NTRK2: variants seen among roughly 807,000 people sequenced by gnomAD.
The protein encoded by NTRK2 is neurotrophic receptor tyrosine kinase 2, also known as BDNF/NT-3 growth factors receptor.
Under a neutral mutation model 94.5 loss-of-function variants are expected in NTRK2, and 13 were observed. The ratio of observed to expected loss-of-function variants is 0.14; its 90% CI spans 0.09 to 0.22. NTRK2 has a LOEUF of 0.22. Among genes scored for constraint, NTRK2 ranks in the 10% least tolerant of loss-of-function variants. The pLI, the probability that NTRK2 is intolerant of heterozygous loss-of-function variation, is 1.00. For synonymous variants in NTRK2, 372 were observed against 407.4 expected, an observed-to-expected ratio of 0.91 and a Z score of 1.05; for missense variants, 639 against 1,071.2, an observed-to-expected ratio of 0.60 and a Z score of 5.63.
At chr9:84,832,473 G>A (rs774513797) in intron 12 of NTRK2, among the ~76,000 whole-genome samples, 2 of 152,196 alleles carry the variant, frequency 1.3e-5, no homozygotes, top group Non-Finnish European at 2.9e-5. Flanking sequence ...ATTTCTGCTG[G>A]TCCTGAAAGG....
intron 14 of NTRK2, among the ~76,000 whole-genome samples, chr9:84,868,630 T>G (rs1296751351): frequency 1.3e-5 from 2 of 152,128 alleles, no homozygotes; most frequent in Non-Finnish European, 2.9e-5. Context: ...AGGTATTAGT[T>G]GAAATTAAGG....
chr9:84,812,277 G>T, intron 12 of NTRK2: 1 of 1,055,974 alleles, frequency 9.5e-7, no homozygotes, highest in Non-Finnish European at 1.1e-6. Context: ...CACTAAATAC[G>T]TTATTGCTTG....
chr9:84,804,507 T>C (rs1387496609), intron 12 of NTRK2, among the ~76,000 whole-genome samples: 2 of 152,224 alleles, frequency 1.3e-5, no homozygotes, highest in Non-Finnish European at 2.9e-5. Context: ...ACATTGTGTA[T>C]ATCTGAGGTT....
At chr9:84,708,069 C>T (rs2061215948) in intron 5 of NTRK2, among the ~76,000 whole-genome samples, 157 bp downstream of exon 5, 1 of 151,982 alleles carries the variant, frequency 6.6e-6, no homozygotes, top group South Asian at 2.1e-4. Context: ...TTTATTCCTT[C>T]AAGGTTTATT....
At chr9:84,999,977 C>T (rs1830158386) in intron 17 of NTRK2, among the ~76,000 whole-genome samples, 1 of 152,198 alleles carries the variant, frequency 6.6e-6, no homozygotes, top group Non-Finnish European at 1.5e-5. Flanking sequence ...CTGGCTACCT[C>T]CCTTCCTGAA....
chr9:84,893,723 A>G (rs2076663871), intron 14 of NTRK2, among the ~76,000 whole-genome samples: 2 of 152,180 alleles, frequency 1.3e-5, no homozygotes, highest in African/African-American at 4.8e-5. Flanking sequence ...CAAAGCATGC[A>G]ATGTGACCCA....
At chr9:85,002,165 C>T (rs1031259827) in intron 17 of NTRK2, among the ~76,000 whole-genome samples, 1 of 152,112 alleles carries the variant, frequency 6.6e-6, no homozygotes, top group African/African-American at 2.4e-5. Flanking sequence ...GGTTTTTAGC[C>T]ACACCTTTGC....
chr9:84,723,823 T>C, intron 7 of NTRK2, 114 bp downstream of exon 7: 1 of 1,420,398 alleles, frequency 7.0e-7, no homozygotes. Context: ...CATATAGAAA[T>C]TTACAAAGAG....
chr9:84,768,538 T>A (rs1345360224), intron 12 of NTRK2, among the ~76,000 whole-genome samples: 4 of 152,146 alleles, frequency 2.6e-5, no homozygotes, highest in Non-Finnish European at 4.4e-5. Flanking sequence ...AGTTACTTAT[T>A]ATTCACTTAT....
At chr9:85,015,380 A>G (rs1334742534) in intron 17 of NTRK2, among the ~76,000 whole-genome samples, 2 of 152,200 alleles carry the variant, frequency 1.3e-5, no homozygotes, top group African/African-American at 2.4e-5. Flanking sequence ...TATTTGTAGC[A>G]TCAAACAGAT....
intron 6 of NTRK2, among the ~76,000 whole-genome samples, chr9:84,716,291 C>T (rs1049247580): frequency 2.2e-4 from 33 of 152,108 alleles, no homozygotes; most frequent in African/African-American, 7.7e-4. Context: ...AAAGGCACAT[C>T]GACAAAATAC....
Position 85,025,628 on chromosome 9 carries a change from A to G in NTRK2, c.*4191A>G. ...TAATACCAATAACATTGTTGTATCT[A>G]ACTAAATAAATGACTGCATATACAC... is the stretch of plus-strand genomic sequence containing the variant. On this transcript the variant is annotated 3_prime_UTR_variant, in exon 19 of 19. Coordinates refer to ENST00000277120, the MANE Select transcript of NTRK2 (RefSeq NM_006180.6). The G allele has an allele frequency of 4.3e-6, 1 of 233,244 alleles. No homozygotes were observed. Among genetic ancestry groups the G allele is most frequent in the Non-Finnish European group, 8.5e-6 (1 of 118,008 alleles). The allele number at this position is 233,244 out of a possible 1,614,324, so 14.4% of individuals were successfully genotyped here. A position where few individuals can be genotyped will look rare whatever the true frequency, so the allele number is the denominator to read the frequency against.
intron 12 of NTRK2, among the ~76,000 whole-genome samples, chr9:84,827,207 G>C (rs1408404914): frequency 6.6e-6 from 1 of 152,206 alleles, no homozygotes; most frequent in East Asian, 1.9e-4. Flanking sequence ...AAAACTTACA[G>C]CACAGAGCAA....
rs972286417 is a variant in NTRK2, at chr9:84,737,939, G to A, written c.1160-3953G>A. On this transcript the variant is annotated intron_variant, in intron 9 of 18. Transcript: ENST00000277120. The stretch of plus-strand genomic sequence containing the variant: ...TATGGCACCTTAGGATGCTCAACAC[G>A]TTCTTCAGAAAACAGGATTTGACCA... Among the ~76,000 whole-genome samples, 40 of 151,500 alleles carry A rather than the reference G, an allele frequency of 2.6e-4. 2 individuals are homozygous for A. The highest frequency in any genetic ancestry group is 7.8e-4 in the African/African-American group (32 of 40,866).
rs182356424 is a variant in NTRK2 at position 84,994,193 on chromosome 9, T to C, written c.2173-26013T>C. 4.6e-5 allele frequency among the ~76,000 whole-genome samples: 7 copies of C among 152,264 alleles called. No homozygotes were observed. The East Asian group carries it at 1.4e-3, about 29-fold the overall frequency. ...ATATTTCTTCTAATTCTAAACACAA[T>C]CTTTTCTACCACATTTATTACATGT... On this transcript the variant is annotated intron_variant, in intron 17 of 18. Coordinates refer to ENST00000277120, the MANE Select transcript of NTRK2 (RefSeq NM_006180.6).
At chr9:84,839,568 C>CTGCA (rs2131762971) in intron 12 of NTRK2, among the ~76,000 whole-genome samples, 2 of 152,310 alleles carry the variant, frequency 1.3e-5, no homozygotes, top group South Asian at 4.1e-4. Flanking sequence ...GACCATCTTG[C>CTGCA]TGCATTAGGT....
intron 17 of NTRK2, among the ~76,000 whole-genome samples, chr9:85,016,419 A>G (rs1374324044): frequency 6.6e-6 from 1 of 152,150 alleles, no homozygotes; most frequent in East Asian, 1.9e-4. Flanking sequence ...ATTACTGGAG[A>G]GCCCCTGAGG....
chr9:84,841,634 C>T (rs1026166903), intron 12 of NTRK2, among the ~76,000 whole-genome samples: 21 of 152,176 alleles, frequency 1.4e-4, no homozygotes, highest in African/African-American at 5.1e-4. Context: ...TCCCGGAGGC[C>T]TTCCCTAACC....
intron 12 of NTRK2, among the ~76,000 whole-genome samples, chr9:84,828,438 T>A (rs1444777095): frequency 1.3e-5 from 2 of 152,214 alleles, no homozygotes; most frequent in East Asian, 3.8e-4. Flanking sequence ...CTAATTCTGC[T>A]TGTCTTTAGG....
Sources: gnomAD v4.1 joint callset for allele counts (sites outside exome capture counted in the v4.1 genomes callset) on GRCh38, gnomAD v4.1.1 for gene constraint, MANE v1.5 for transcripts, NCBI Gene and HGNC (gene_info 2026-07-23, HGNC 2026-07-21) for gene names.